Variants in HERC1 observed in about 807,000 individuals in gnomAD.
The protein encoded by HERC1 is probable E3 ubiquitin-protein ligase HERC1.
HERC1 carries 160 observed loss-of-function variants against 554.3 expected under a neutral mutation model. The ratio of observed to expected loss-of-function variants is 0.29; its 90% CI spans 0.25 to 0.33. The LOEUF (loss-of-function observed/expected upper bound fraction) is 0.33, where lower values mean the gene tolerates loss of function less well. Among genes scored for constraint, HERC1 ranks in the 10% least tolerant of loss-of-function variants. HERC1 has a pLI of 1.00. For missense variants in HERC1, 4,919 were observed against 5,918.5 expected (o/e 0.83, Z 5.54); for synonymous variants, 2,175 against 2,131.7 (o/e 1.02, Z -0.56).
At chr15:63,640,589 G>A in intron 60 of HERC1, 144 bp from the exon 61 acceptor site, 1 of 729,088 alleles carries the variant, frequency 1.4e-6, no homozygotes, top group Non-Finnish European at 2.2e-6. Context: ...TAGATTTAGA[G>A]TGAGTTGTAC....
chr15:63,801,142 T>C (rs2076972979), intron 1 of HERC1, among the ~76,000 whole-genome samples: 1 of 152,198 alleles, frequency 6.6e-6, no homozygotes, highest in Non-Finnish European at 1.5e-5. Flanking sequence ...TCTTGCCCTA[T>C]GCATCTCTCC....
intron 1 of HERC1, among the ~76,000 whole-genome samples, chr15:63,827,638 G>C (rs2077987923): frequency 6.6e-6 from 1 of 151,942 alleles, no homozygotes; most frequent in South Asian, 2.1e-4. Flanking sequence ...TCCACTCCTA[G>C]GTATATATAC....
intron 63 of HERC1, 130 bp from the exon 64 acceptor site, chr15:63,637,773 A>T: frequency 1.7e-6 from 1 of 594,042 alleles, no homozygotes; most frequent in Non-Finnish European, 2.8e-6. Flanking sequence ...GAAAGGGAAG[A>T]GTTGATATAA....
intron 12 of HERC1, among the ~76,000 whole-genome samples, chr15:63,742,979 T>C (rs2074873099): frequency 6.6e-6 from 1 of 152,210 alleles, no homozygotes; most frequent in African/African-American, 2.4e-5. Context: ...ATTAGGGTAA[T>C]ACTGGCCTCA....
intron 10 of HERC1, 133 bp from the exon 11 acceptor site, chr15:63,747,991 CAAGG>C (rs1174948717): frequency 3.7e-6 from 3 of 800,516 alleles, no homozygotes; most frequent in Non-Finnish European, 5.7e-6. Context: ...TTTGGGAGGC[CAAGG>C]AATGCAGATT....
At chr15:63,617,399 A>T (rs1235292481) in intron 74 of HERC1, among the ~76,000 whole-genome samples, 3 of 152,212 alleles carry the variant, frequency 2.0e-5, no homozygotes, top group Non-Finnish European at 4.4e-5. Flanking sequence ...TTCTTAATCC[A>T]GTCTATCATT....
rs747199351 is a variant in HERC1 at position 63,729,376 on chromosome 15, GA to G, written c.3022-9del. 2.7e-5 allele frequency: 43 copies of G among 1,590,588 alleles called. No homozygotes were observed. In the Admixed American group the frequency reaches 3.4e-4, roughly 12 times the overall value. On this transcript the variant is annotated splice_polypyrimidine_tract_variant and intron_variant, in intron 15 of 77. Transcript: ENST00000443617. ...TGCCACACTGCTTGAGTTCTAAGAA[GA>G]AAAAAAGTTCCTAAATTACTACTTT...
intron 33 of HERC1, among the ~76,000 whole-genome samples, chr15:63,689,325 C>T (rs1399172170): frequency 6.6e-6 from 1 of 152,158 alleles, no homozygotes; most frequent in African/African-American, 2.4e-5. Flanking sequence ...ATGCAGATTA[C>T]TCTTCTAAGA....
chr15:63,826,792 AAAAAAAAAAAAAAAAAAAAAAAAT>A (rs1312119036), intron 1 of HERC1, among the ~76,000 whole-genome samples: 4 of 46,946 alleles, frequency 8.5e-5, no homozygotes, highest in African/African-American at 3.5e-4. Context: ...GGTAAAAAAA[AAAAAAAAAAAAAAAAAAAAAAAAT>A]ATATATATAT....
In HERC1 at chr15:63,756,764, C is replaced by T; in HGVS notation, c.1222-16G>A. ...CAGCTTCAATCTATAAACAAAGAAT[C>T]ATAAATATAAAATACTTCTGTGAGT... On this transcript the variant is annotated splice_polypyrimidine_tract_variant and intron_variant, in intron 4 of 77. Transcript: ENST00000443617. This position sits in a 1 kb window ranked among gnomAD's most constrained non-coding sequence, Gnocchi z 5.0. The T allele has an allele frequency of 6.7e-7, 1 of 1,493,132 alleles. No individual in the cohort carries two copies. Among genetic ancestry groups the T allele is most frequent in the East Asian group, 2.3e-5 (1 of 42,842 alleles). 92.5% of individuals were successfully genotyped at this position (1,493,132 alleles called of 1,614,324 possible).
intron 69 of HERC1, among the ~76,000 whole-genome samples, chr15:63,629,871 C>T (rs1014505263): frequency 2.0e-5 from 3 of 152,142 alleles, no homozygotes; most frequent in African/African-American, 7.2e-5. Flanking sequence ...CATAGCATCT[C>T]AGACATCTCA....
Position 63,626,114 on chromosome 15 carries a change from C to T in HERC1, c.13146G>A (p.Val4382=), listed in dbSNP as rs747429095. Residue 4382 remains valine, a synonymous_variant, in exon 71 of 78, where the codon GTG becomes GTA. Transcript: ENST00000443617. ...VPLQLGLPDT[V]PPQYGALREV... ...CTCTCAGCGCCCCATACTGGGGGGG[C>T]ACTGTGTCAGGCAGGCCCAGCTGCA... The T allele has an allele frequency of 3.7e-6, 6 of 1,613,606 alleles. No homozygotes were observed. The African/African-American group carries it at 6.7e-5, about 18-fold the overall frequency.
intron 18 of HERC1, among the ~76,000 whole-genome samples, chr15:63,724,907 C>T (rs1370580575): frequency 6.6e-6 from 1 of 152,224 alleles, no homozygotes; most frequent in African/African-American, 2.4e-5. Flanking sequence ...GGCTGCCACT[C>T]ACATCTCAGG....
chr15:63,675,305 A>T (rs762678022), intron 37 of HERC1, 188 bp from the exon 38 acceptor site: 17 of 494,602 alleles, frequency 3.4e-5, no homozygotes, highest in Non-Finnish European at 6.0e-5. Flanking sequence ...GGGAGATGTG[A>T]TACTAAATGC....
intron 67 of HERC1, 150 bp from the exon 68 acceptor site, chr15:63,632,961 T>C: frequency 6.4e-6 from 4 of 625,768 alleles, no homozygotes; most frequent in South Asian, 2.0e-5. Flanking sequence ...GAAATGTTAT[T>C]TTCTCCTACT....
At chr15:63,740,624 G>A (rs62020761) in intron 12 of HERC1, among the ~76,000 whole-genome samples, 20,116 of 152,228 alleles carry the variant, frequency 0.13, 1,787 homozygotes, top group Middle Eastern at 0.21. Flanking sequence ...CTTAGTGGGT[G>A]TGAAGTGGTA....
At chr15:63,653,233 G>A (rs370121171) in intron 51 of HERC1, among the ~76,000 whole-genome samples, 34 of 152,220 alleles carry the variant, frequency 2.2e-4, no homozygotes, top group East Asian at 3.9e-4. Flanking sequence ...CTGAGGTCAG[G>A]AGTTTGAGAC....
At chr15:63,735,744 G>C (rs1407564990) in intron 12 of HERC1, among the ~76,000 whole-genome samples, 4 of 152,056 alleles carry the variant, frequency 2.6e-5, no homozygotes, top group African/African-American at 7.2e-5. Context: ...TTTTCTGTAA[G>C]TCAATGTTCT....
intron 26 of HERC1, 24 bp from the exon 27 acceptor site, chr15:63,696,363 G>C: frequency 6.5e-7 from 1 of 1,543,670 alleles, no homozygotes; most frequent in South Asian, 1.2e-5. Context: ...ACATATTTTA[G>C]AGTTCTTCAC....
Sources: gnomAD v4.1 joint callset for allele counts (sites outside exome capture counted in the v4.1 genomes callset) on GRCh38, gnomAD v4.1.1 for gene constraint, Gnocchi (gnomAD v3.1) non-coding constraint, MANE v1.5 for transcripts, NCBI Gene and HGNC (gene_info 2026-07-23, HGNC 2026-07-21) for gene names.